KSR1: variants seen among roughly 807,000 people sequenced by gnomAD.
KSR1 encodes kinase suppressor of ras 1.
Under a neutral mutation model 92.9 loss-of-function variants are expected in KSR1, and 35 were observed. The observed-to-expected ratio is 0.38, with a 90% CI of 0.29 to 0.50. KSR1 has a LOEUF of 0.50. KSR1 is among the 20% of genes least tolerant of loss of function. The pLI, the probability that KSR1 is intolerant of heterozygous loss-of-function variation, is 0.94. For synonymous variants in KSR1, 467 were observed against 472.6 expected (o/e 0.99, Z 0.15); for missense variants, 972 against 1,158.5 (o/e 0.84, Z 2.34).
intron 16 of KSR1, 56 bp downstream of exon 16, chr17:27,609,385 G>A: frequency 1.2e-6 from 2 of 1,602,178 alleles, no homozygotes; most frequent in South Asian, 1.1e-5. Flanking sequence ...GGAAGAGCAG[G>A]GCTGAGGTCT....
At chr17:27,497,875 A>G (rs2150973981) in intron 1 of KSR1, among the ~76,000 whole-genome samples, 1 of 152,192 alleles carries the variant, frequency 6.6e-6, no homozygotes, top group East Asian at 1.9e-4. Flanking sequence ...CTTACTGGAA[A>G]GTCTGGCAGA....
intron 1 of KSR1, among the ~76,000 whole-genome samples, chr17:27,521,625 G>T (rs554170042): frequency 1.3e-5 from 2 of 152,258 alleles, no homozygotes; most frequent in Admixed American, 1.3e-4. Flanking sequence ...TAGAGATAGG[G>T]TCTCACTGTG....
At chr17:27,546,814 A>G (rs1246984307) in intron 1 of KSR1, among the ~76,000 whole-genome samples, 1 of 151,950 alleles carries the variant, frequency 6.6e-6, no homozygotes, top group African/African-American at 2.4e-5. Context: ...ATAAAAGCTC[A>G]CTCGTGTGTC....
intron 1 of KSR1, among the ~76,000 whole-genome samples, chr17:27,458,679 G>C (rs2019295757): frequency 6.6e-6 from 1 of 152,292 alleles, no homozygotes; most frequent in African/African-American, 2.4e-5. Context: ...CCCATCCAAA[G>C]GCCCACAGGG....
chr17:27,528,814 A>G (rs2070419610), intron 1 of KSR1, among the ~76,000 whole-genome samples: 1 of 152,132 alleles, frequency 6.6e-6, no homozygotes, highest in African/African-American at 2.4e-5. Flanking sequence ...CTGAGGTGGG[A>G]GGATTGCTTG....
intron 1 of KSR1, among the ~76,000 whole-genome samples, chr17:27,544,732 T>C (rs1476157679): frequency 3.9e-5 from 6 of 152,238 alleles, no homozygotes; most frequent in Admixed American, 3.3e-4. Context: ...GGAAAATTTA[T>C]ATCTTGCGGT....
intron 1 of KSR1, among the ~76,000 whole-genome samples, chr17:27,477,847 G>A (rs1447664892): frequency 2.0e-5 from 3 of 151,948 alleles, no homozygotes; most frequent in African/African-American, 7.3e-5. Flanking sequence ...TGAGTAGCTG[G>A]GACTATAGAT....
chr17:27,564,981 A>G (rs1006482749), intron 2 of KSR1, among the ~76,000 whole-genome samples: 3 of 152,150 alleles, frequency 2.0e-5, no homozygotes, highest in Non-Finnish European at 4.4e-5. Context: ...TATGAAATCA[A>G]TGTTTATTTT....
chr17:27,611,529 C>T lies in KSR1; in HGVS notation c.2393C>T (p.Pro798Leu). 1 of 1,613,860 alleles carries T rather than the reference C, an allele frequency of 6.2e-7. No homozygotes were observed. The highest frequency in any genetic ancestry group is 8.5e-7 in the Non-Finnish European group (1 of 1,179,786). The change falls in exon 18 of 21, where the codon CCC becomes CTC. Residue 798 changes from proline to leucine, a missense_variant. Pro to Leu is a moderately conservative substitution (Grantham distance 98). Transcript: ENST00000644974. ...VWYELQARDWPLKNQAAEASI... is the reference protein window; with the variant it reads ...VWYELQARDWLLKNQAAEASI... ...TATGAGCTGCAAGCAAGAGACTGGC[C>T]CTTGAAGAACCAGGCTGCAGAGGCA...
At chr17:27,485,922 A>C (rs1232295837) in intron 1 of KSR1, among the ~76,000 whole-genome samples, 1 of 152,152 alleles carries the variant, frequency 6.6e-6, no homozygotes, top group African/African-American at 2.4e-5. Context: ...CAAAGAGCTT[A>C]GCTACAGAGC....
rs2073694488 is a variant in KSR1, at chr17:27,604,827, C to T, written c.1614+99C>T. The T allele has an allele frequency of 1.3e-5, 17 of 1,263,164 alleles. No homozygotes were observed. The South Asian group carries it at 2.0e-4, about 15-fold the overall frequency. The allele number at this position is 1,263,164 out of a possible 1,614,324, so 78.2% of individuals were successfully genotyped here. On this transcript the variant is annotated intron_variant, in intron 13 of 20. Transcript: ENST00000644974. ...GGCTTGAGGGTGAGTGGGTTCTGGA[C>T]TTTGGCAAGGGCTGTCCCAGGCACC...
Position 27,583,047 on chromosome 17 carries a change from C to G in KSR1, c.922C>G (p.Arg308Gly). 1 of 1,606,056 alleles carries G rather than the reference C, an allele frequency of 6.2e-7. No individual in the cohort carries two copies. The highest frequency in any genetic ancestry group is 1.1e-5 in the South Asian group (1 of 89,540). ...QLLPSFPTLT[R>G]SKSHESQLGN... ...GCTGCCCAGCTTCCCCACACTCACCCGGAGCAAGTCCCATGAGTCTCAGCT... is the reference window on the plus strand; with the variant it reads ...GCTGCCCAGCTTCCCCACACTCACCGGGAGCAAGTCCCATGAGTCTCAGCT... The change falls in exon 4 of 21, where the codon CGG becomes GGG. Residue 308 changes from arginine (R) to glycine (G), a missense_variant. Transcript: ENST00000644974.
At chr17:27,520,876 G>C (rs548558177) in intron 1 of KSR1, among the ~76,000 whole-genome samples, 1 of 152,242 alleles carries the variant, frequency 6.6e-6, no homozygotes, top group Non-Finnish European at 1.5e-5. Flanking sequence ...TGCGGGAGAC[G>C]TGTGATTCCC....
intron 1 of KSR1, among the ~76,000 whole-genome samples, chr17:27,538,277 G>A (rs2070824167): frequency 6.6e-6 from 1 of 152,218 alleles, no homozygotes; most frequent in Admixed American, 6.5e-5. Context: ...GGAGTTAGGT[G>A]GCACACGTGT....
At position 27,581,193 on chromosome 17, in the gene KSR1, C is replaced by T. The variant is rs551818554; in HGVS notation, c.521-1453C>T. ...GAGCAAAAGCAAGAGCGAGAGGGGG[C>T]AGGGAGGTGCCACACACTTTTAAAC... On this transcript the variant is annotated intron_variant, in intron 3 of 20. Coordinates refer to ENST00000644974, the MANE Select transcript of KSR1 (RefSeq NM_001394583.1). 2.0e-5 allele frequency among the ~76,000 whole-genome samples: 3 copies of T among 152,174 alleles called. No homozygotes were observed. In the East Asian group the frequency reaches 5.8e-4, roughly 29 times the overall value.
At chr17:27,480,590 G>A (rs1309226628) in intron 1 of KSR1, among the ~76,000 whole-genome samples, 1 of 152,132 alleles carries the variant, frequency 6.6e-6, no homozygotes, top group African/African-American at 2.4e-5. Flanking sequence ...TAGAAACAGT[G>A]TTTCTTCATG....
rs572831782 is a variant in KSR1, at chr17:27,590,026, T to C, written c.1047-785T>C. 1.4e-4 allele frequency among the ~76,000 whole-genome samples: 21 copies of C among 152,360 alleles called. No individual in the cohort carries two copies. In the South Asian group the frequency reaches 3.3e-3, roughly 24 times the overall value. On this transcript the variant is annotated intron_variant, in intron 6 of 20. Transcript: ENST00000644974. ...TTTTCAAAAATGGAGATACAATTTA[T>C]GTAGAGCAAAATGCACAAGTGTGTG...
chr17:27,551,806 C>T (rs1404235911), intron 2 of KSR1, among the ~76,000 whole-genome samples: 2 of 152,204 alleles, frequency 1.3e-5, no homozygotes, highest in Admixed American at 6.5e-5. Context: ...CGGTCCAGGC[C>T]GCTGTCACCT....
intron 1 of KSR1, among the ~76,000 whole-genome samples, chr17:27,495,579 G>A (rs183073149): frequency 3.3e-5 from 5 of 152,282 alleles, no homozygotes; most frequent in East Asian, 1.9e-4. Flanking sequence ...ATCATTTCTC[G>A]TGTCCCTTCC....
Sources: gnomAD v4.1 joint callset for allele counts (sites outside exome capture counted in the v4.1 genomes callset) on GRCh38, gnomAD v4.1.1 for gene constraint, MANE v1.5 for transcripts, NCBI Gene and HGNC (gene_info 2026-07-23, HGNC 2026-07-21) for gene names.